Variants in ACSL1 observed in about 807,000 individuals in gnomAD.
ACSL1 encodes acyl-CoA synthetase long chain family member 1.
Under a neutral mutation model 98.4 loss-of-function variants are expected in ACSL1, and 41 were observed. That is an observed-to-expected ratio of 0.42 (90% CI 0.32 to 0.54). The LOEUF is 0.54. Among genes scored for constraint, ACSL1 ranks in the 20% least tolerant of loss-of-function variants. The pLI, the probability that ACSL1 is intolerant of heterozygous loss-of-function variation, is 0.13. For synonymous variants in ACSL1, 316 were observed against 322.7 expected (o/e 0.98, Z 0.22); for missense variants, 734 against 883.1 (o/e 0.83, Z 2.14).
chr4:184,789,232 A>C (rs773457797), intron 2 of ACSL1, among the ~76,000 whole-genome samples: 7 of 152,184 alleles, frequency 4.6e-5, no homozygotes, highest in African/African-American at 7.2e-5. Flanking sequence ...TGAAGAGAGA[A>C]AACAGGTTTA....
intron 2 of ACSL1, among the ~76,000 whole-genome samples, chr4:184,790,978 G>A (rs546551421): frequency 2.5e-4 from 38 of 152,318 alleles, no homozygotes; most frequent in Non-Finnish European, 4.9e-4. Context: ...AGGACAAAAT[G>A]AGAGAAAACA....
At chr4:184,785,325 T>C (rs1315597392) in intron 3 of ACSL1, among the ~76,000 whole-genome samples, 1 of 152,184 alleles carries the variant, frequency 6.6e-6, no homozygotes, top group Non-Finnish European at 1.5e-5. Flanking sequence ...TGAATAGGGA[T>C]GGGGCCTGGG....
At position 184,762,029 on chromosome 4, in the gene ACSL1, A is replaced by T. The variant is rs548718716; in HGVS notation, c.1638+378T>A. ...GTAATCCTAGATACTTGGGAGGCTG[A>T]GGCAGGAGAATCACTTGAACCCGAG... is the stretch of plus-strand genomic sequence containing the variant. On this transcript the variant is annotated intron_variant, in intron 17 of 20. Coordinates refer to ENST00000281455, the MANE Select transcript of ACSL1 (RefSeq NM_001995.5). 7.2e-5 allele frequency among the ~76,000 whole-genome samples: 11 copies of T among 152,146 alleles called. No individual in the cohort carries two copies. The South Asian group carries it at 2.3e-3, about 32-fold the overall frequency.
At chr4:184,781,345 A>C (rs1294206819) in intron 4 of ACSL1, among the ~76,000 whole-genome samples, 2 of 152,026 alleles carry the variant, frequency 1.3e-5, no homozygotes, top group Non-Finnish European at 2.9e-5. Flanking sequence ...TGATTAAGTA[A>C]ATGATGGTAA....
chr4:184,787,026 C>T (rs6855063), intron 3 of ACSL1, among the ~76,000 whole-genome samples: 1 of 152,002 alleles, frequency 6.6e-6, no homozygotes. Flanking sequence ...TACATGCAAC[C>T]TATCATGAGG....
At chr4:184,768,007 C>T (rs1053143059) in intron 12 of ACSL1, 2 of 434,788 alleles carry the variant, frequency 4.6e-6, no homozygotes, top group Admixed American at 4.3e-5. Context: ...AAGAGGTAAA[C>T]AGTCCGTGTT....
chr4:184,769,066 C>G (rs1764087488), intron 11 of ACSL1, among the ~76,000 whole-genome samples: 2 of 33,668 alleles, frequency 5.9e-5, no homozygotes, highest in African/African-American at 2.3e-4. Flanking sequence ...GAGACTCTGT[C>G]TCAAATATAT....
chr4:184,767,136 G>C (rs1021599622), intron 12 of ACSL1, among the ~76,000 whole-genome samples: 1 of 151,936 alleles, frequency 6.6e-6, no homozygotes, highest in Non-Finnish European at 1.5e-5. Context: ...ACAGAAATTA[G>C]CCGGGCATGG....
chr4:184,824,518 G>A (rs955571837), intron 1 of ACSL1, among the ~76,000 whole-genome samples: 2 of 152,090 alleles, frequency 1.3e-5, no homozygotes, highest in African/African-American at 4.8e-5. Flanking sequence ...TAAGGTGTGC[G>A]GCTAACAAGT....
chr4:184,808,820 A>C (rs923648110), intron 1 of ACSL1, among the ~76,000 whole-genome samples: 3 of 152,230 alleles, frequency 2.0e-5, no homozygotes, highest in Non-Finnish European at 4.4e-5. Context: ...ACGGCAGCTC[A>C]AAAGAGATGC....
chr4:184,817,458 A>G (rs933336270), intron 1 of ACSL1, among the ~76,000 whole-genome samples: 8 of 152,270 alleles, frequency 5.3e-5, no homozygotes, highest in African/African-American at 1.9e-4. Flanking sequence ...AATCTAATGG[A>G]TGGTCTAGGC....
chr4:184,765,979 A>G lies in ACSL1; in HGVS notation c.1271T>C (p.Leu424Pro). Residue 424 changes from leucine (L) to proline (P), a missense_variant, in exon 14 of 21, where the codon CTG becomes CCG. Leu to Pro is a moderately conservative substitution (Grantham distance 98). Coordinates refer to ENST00000281455, the MANE Select transcript of ACSL1 (RefSeq NM_001995.5). ...RLIFHKVQSS[L>P]GGRVRLMVTG... Reference sequence around the variant, plus strand: ...CACCATCAGCCGGACTCTTCCGCCCAGGCTCGACTTTCAGGGAGGGAGAGT... The same window carrying G: ...CACCATCAGCCGGACTCTTCCGCCCGGGCTCGACTTTCAGGGAGGGAGAGT... 1.2e-6 allele frequency: 2 copies of G among 1,613,698 alleles called. No individual in the cohort carries two copies. The highest frequency in any genetic ancestry group is 1.7e-6 in the Non-Finnish European group (2 of 1,179,832).
At chr4:184,770,327 T>C in intron 11 of ACSL1, 72 bp downstream of exon 11, 1 of 1,587,970 alleles carries the variant, frequency 6.3e-7, no homozygotes, top group Admixed American at 1.7e-5. Context: ...TCAAGGGAAG[T>C]GCTTTCTGTA....
At chr4:184,788,792 G>T in intron 2 of ACSL1, 61 bp from the exon 3 acceptor site, 1 of 1,318,180 alleles carries the variant, frequency 7.6e-7, no homozygotes, top group South Asian at 1.2e-5. Context: ...ACTGTGGAAT[G>T]GCTAAATCAA....
At position 184,803,222 on chromosome 4, in the gene ACSL1, C is replaced by T. The variant is rs1770817753; in HGVS notation, c.195+98G>A. On this transcript the variant is annotated intron_variant, in intron 2 of 20. Transcript: ENST00000281455. The surrounding 1 kb of genome is among the most constrained non-coding windows in gnomAD (Gnocchi z 4.8). ...TCCATTTACAAAGTGCAGTTATAAA[C>T]AAATATTTGATCTTGATGGCTATCA... The T allele has an allele frequency of 8.2e-7, 1 of 1,218,776 alleles. No individual in the cohort carries two copies. The allele number at this position is 1,218,776 out of a possible 1,614,324, so 75.5% of individuals were successfully genotyped here.
chr4:184,773,063 G>A lies in ACSL1; in HGVS notation c.915+18C>T, dbSNP rs755523028. ...ATGTCAATCAATGAGGAAAGATGAC[G>A]ACATCCCAAAAAGTTACCTCTGTTG... On this transcript the variant is annotated intron_variant, in intron 10 of 20. Transcript: ENST00000281455. This position sits in a 1 kb window ranked among gnomAD's most constrained non-coding sequence, Gnocchi z 4.3. The A allele has an allele frequency of 4.0e-5, 64 of 1,609,490 alleles. No homozygotes were observed. Among genetic ancestry groups the A allele is most frequent in the East Asian group, 1.6e-4 (7 of 44,838 alleles).
At position 184,793,436 on chromosome 4, in the gene ACSL1, G is replaced by A. The variant is rs1234564681; in HGVS notation, c.196-4705C>T. Among the ~76,000 whole-genome samples, 4 of 152,308 alleles carry A rather than the reference G, an allele frequency of 2.6e-5. No homozygotes were observed. In the South Asian group the frequency reaches 8.3e-4, roughly 32 times the overall value. On this transcript the variant is annotated intron_variant, in intron 2 of 20. Coordinates refer to ENST00000281455, the MANE Select transcript of ACSL1 (RefSeq NM_001995.5). ...TCACCAATATTTGACTAACAGGAAC[G>A]CGATGGCCAGTTATTTTGTGCCACT... is the stretch of plus-strand genomic sequence containing the variant.
chr4:184,768,233 G>A (rs773688102), intron 12 of ACSL1, 83 bp downstream of exon 12: 41 of 1,423,510 alleles, frequency 2.9e-5, no homozygotes, highest in Non-Finnish European at 3.2e-5. Context: ...CATACAGATG[G>A]CACATGGCAC....
intron 17 of ACSL1, among the ~76,000 whole-genome samples, 159 bp downstream of exon 17, chr4:184,762,248 G>A (rs1261111442): frequency 2.0e-5 from 3 of 152,032 alleles, no homozygotes; most frequent in African/African-American, 7.3e-5. Flanking sequence ...CCTGTCCCCT[G>A]CAGGAAATGG....
Sources: gnomAD v4.1 joint callset for allele counts (sites outside exome capture counted in the v4.1 genomes callset) on GRCh38, gnomAD v4.1.1 for gene constraint, Gnocchi (gnomAD v3.1) non-coding constraint, MANE v1.5 for transcripts, NCBI Gene and HGNC (gene_info 2026-07-23, HGNC 2026-07-21) for gene names.